Variants in WDFY2 observed in about 807,000 individuals in gnomAD.
WDFY2 encodes the protein WD repeat and FYVE domain-containing protein 2.
In WDFY2, 36 loss-of-function variants were observed where a neutral mutation model predicts 56.4. That is an observed-to-expected ratio of 0.64 (90% confidence interval 0.49 to 0.84). The LOEUF (loss-of-function observed/expected upper bound fraction) is 0.84. Among genes scored for constraint, WDFY2 ranks in the 40% least tolerant of loss-of-function variants. The probability of loss-of-function intolerance (pLI) is 0.00; values close to 1 mark genes in which losing one functional copy is unlikely to be tolerated. For synonymous variants in WDFY2, 176 were observed against 183.7 expected (o/e 0.96, Z 0.34); for missense variants, 444 against 512.2 (o/e 0.87, Z 1.29).
chr13:51,657,271 A>G (rs946213934), intron 1 of WDFY2, among the ~76,000 whole-genome samples: 1 of 152,122 alleles, frequency 6.6e-6, no homozygotes, highest in Non-Finnish European at 1.5e-5. Flanking sequence ...TTTTATGCAT[A>G]TGTCTGTTAA....
chr13:51,593,521 ATG>A (rs879868047), intron 1 of WDFY2, among the ~76,000 whole-genome samples: 1 of 152,180 alleles, frequency 6.6e-6, no homozygotes, highest in Non-Finnish European at 1.5e-5. Context: ...ATGTATGCAT[ATG>A]AGAATGTTAG....
intron 3 of WDFY2, among the ~76,000 whole-genome samples, chr13:51,698,240 C>T (rs1951916627): frequency 6.6e-6 from 1 of 152,276 alleles, no homozygotes; most frequent in Admixed American, 6.5e-5. Flanking sequence ...CAATAATAAT[C>T]TTAAATGTAT....
chr13:51,587,584 C>G (rs748565831), intron 1 of WDFY2: 10 of 152,166 alleles, frequency 6.6e-5, no homozygotes, highest in Non-Finnish European at 8.8e-5. Flanking sequence ...TCTGAAAGTC[C>G]ATGAATTGCT....
At position 51,599,907 on chromosome 13, in the gene WDFY2, A is replaced by AT. The variant is rs576279896; in HGVS notation, c.137+15083_137+15084insT. ...AACAAACAAACAAACAAAAAAAAAA[A>AT]CAAAACAAAAAAACCAAAAAACCAA... is the stretch of plus-strand genomic sequence containing the variant. On this transcript the variant is annotated intron_variant, in intron 1 of 11. Coordinates refer to ENST00000298125, the MANE Select transcript of WDFY2 (RefSeq NM_052950.4). 5.0e-3 allele frequency among the ~76,000 whole-genome samples: 754 copies of AT among 151,926 alleles called. 5 individuals are homozygous for AT. Among genetic ancestry groups the AT allele is most frequent in the African/African-American group, 0.014 (592 of 41,420 alleles).
intron 1 of WDFY2, among the ~76,000 whole-genome samples, chr13:51,658,195 A>T (rs1331991841): frequency 2.6e-5 from 4 of 152,128 alleles, no homozygotes; most frequent in Admixed American, 6.6e-5. Context: ...ATTTTTGCAA[A>T]TACTATATTC....
At chr13:51,749,563 A>G (rs1398194326) in intron 7 of WDFY2, among the ~76,000 whole-genome samples, 1 of 152,166 alleles carries the variant, frequency 6.6e-6, no homozygotes, top group Non-Finnish European at 1.5e-5. Flanking sequence ...AAACTCATGA[A>G]CACACATTAC....
chr13:51,623,359 G>A (rs1157523159), intron 1 of WDFY2, among the ~76,000 whole-genome samples: 1 of 152,144 alleles, frequency 6.6e-6, no homozygotes, highest in Non-Finnish European at 1.5e-5. Flanking sequence ...AAGGAGGCTG[G>A]AGGAGGAGTG....
chr13:51,646,109 A>T (rs1332986892), intron 1 of WDFY2, among the ~76,000 whole-genome samples: 2 of 152,124 alleles, frequency 1.3e-5, no homozygotes, highest in Non-Finnish European at 2.9e-5. Flanking sequence ...TTTGCTGCCT[A>T]CATCCTCCAA....
At position 51,767,123 on chromosome 13, in the gene WDFY2, G is replaced by A. The variant is rs1953774960; in HGVS notation, c.*7354G>A. 1 of 152,262 alleles carries A rather than the reference G, an allele frequency of 6.6e-6. No homozygotes were observed. The highest frequency in any genetic ancestry group is 1.5e-5 in the Non-Finnish European group (1 of 68,048). 9.4% of individuals were successfully genotyped at this position (152,262 alleles called of 1,614,324 possible). A position where few individuals can be genotyped will look rare whatever the true frequency, so the allele number is the denominator to read the frequency against. ...CCAGGGAAAGCCTCATTTAAAACTT[G>A]TGAGGTTCATTTTATGGAGAAGAAA... On this transcript the variant is annotated 3_prime_UTR_variant, in exon 12 of 12. Coordinates refer to ENST00000298125, the MANE Select transcript of WDFY2 (RefSeq NM_052950.4).
Position 51,739,180 on chromosome 13 carries a change from G to C in WDFY2, c.725+5G>C, listed in dbSNP as rs1047783352. 12 of 1,580,152 alleles carry C rather than the reference G, an allele frequency of 7.6e-6. No homozygotes were observed. Among genetic ancestry groups the C allele is most frequent in the Middle Eastern group, 3.4e-4 (2 of 5,970 alleles). On this transcript the variant is annotated splice_donor_5th_base_variant and intron_variant, in intron 7 of 11. Transcript: ENST00000298125. ...CATCGAGCTCCAAGGACACAAGTAAGGTTGCTGGTGCTTTCATAAAGACTC... is the reference window on the plus strand; with the variant it reads ...CATCGAGCTCCAAGGACACAAGTAACGTTGCTGGTGCTTTCATAAAGACTC...
At chr13:51,758,656 A>G (rs1953479014) in intron 11 of WDFY2, among the ~76,000 whole-genome samples, 5 of 152,172 alleles carry the variant, frequency 3.3e-5, no homozygotes, top group Admixed American at 3.3e-4. Flanking sequence ...GGCTCTACAC[A>G]AAGAAATAAG....
chr13:51,606,349 TTATC>T (rs1209098722), intron 1 of WDFY2, among the ~76,000 whole-genome samples: 2 of 152,218 alleles, frequency 1.3e-5, no homozygotes, highest in African/African-American at 4.8e-5. Flanking sequence ...ATCCAAGAAT[TTATC>T]TAACTCTTTG....
At chr13:51,685,367 C>T (rs1005885112) in intron 3 of WDFY2, among the ~76,000 whole-genome samples, 3 of 152,132 alleles carry the variant, frequency 2.0e-5, no homozygotes, top group African/African-American at 4.8e-5. Context: ...GGCACTGACC[C>T]CACCTCCCCT....
chr13:51,590,545 T>G (rs1954023080), intron 1 of WDFY2: 2 of 152,210 alleles, frequency 1.3e-5, no homozygotes, highest in Non-Finnish European at 2.9e-5. Flanking sequence ...TAGATTGTGA[T>G]TTAAGACTAC....
intron 1 of WDFY2, among the ~76,000 whole-genome samples, chr13:51,639,511 T>C (rs1955116755): frequency 6.6e-6 from 1 of 152,216 alleles, no homozygotes; most frequent in Admixed American, 6.5e-5. Flanking sequence ...TATATCATTG[T>C]CTTTTAGATT....
chr13:51,612,261 T>C (rs1954518093), intron 1 of WDFY2, among the ~76,000 whole-genome samples: 1 of 152,140 alleles, frequency 6.6e-6, no homozygotes, highest in South Asian at 2.1e-4. Flanking sequence ...AAAGCAGCCC[T>C]GCCTCCCTGT....
At chr13:51,706,289 A>G (rs757323248) in intron 4 of WDFY2, among the ~76,000 whole-genome samples, 3 of 152,244 alleles carry the variant, frequency 2.0e-5, no homozygotes, top group Non-Finnish European at 4.4e-5. Context: ...GCCAGAACCA[A>G]AGAGAGAACT....
chr13:51,702,016 A>G (rs1951995347), intron 3 of WDFY2, among the ~76,000 whole-genome samples: 1 of 152,116 alleles, frequency 6.6e-6, no homozygotes, highest in Non-Finnish European at 1.5e-5. Context: ...CTTCTTTAAA[A>G]ATTAGTCTGC....
intron 10 of WDFY2, among the ~76,000 whole-genome samples, chr13:51,757,416 A>G (rs533608535): frequency 6.6e-5 from 10 of 152,066 alleles, no homozygotes; most frequent in Non-Finnish European, 1.3e-4. Flanking sequence ...CCATTTTAAG[A>G]TACTGAAGAT....
Sources: allele counts gnomAD v4.1 joint callset (sites outside exome capture counted in the v4.1 genomes callset), GRCh38; gene constraint gnomAD v4.1.1; transcripts MANE v1.5; gene names NCBI Gene and HGNC (gene_info 2026-07-23, HGNC 2026-07-21).